The following RTKN variants were observed in gnomAD, a reference collection of about 807,000 sequenced individuals.
RTKN encodes rhotekin.
A neutral mutation model predicts 63.5 loss-of-function variants in RTKN; 49 were observed. The observed-to-expected ratio is 0.77, with a 90% CI of 0.61 to 0.98. RTKN has a LOEUF of 0.98. Among genes scored for constraint, RTKN ranks in the 50% least tolerant of loss-of-function variants. The pLI, the probability that RTKN is intolerant of heterozygous loss-of-function variation, is 0.00. For synonymous variants in RTKN, 295 were observed against 290.4 expected (o/e 1.02, Z -0.16); for missense variants, 685 against 740.8 (o/e 0.92, Z 0.87).
chr2:74,431,069 T>A (rs2268419), intron 2 of RTKN: 12,818 of 181,858 alleles, frequency 0.07, 1,382 homozygotes, highest in East Asian at 0.32. Flanking sequence ...GTCTTTATTT[T>A]TTTTTTTTTT....
chr2:74,432,337 C>G, intron 2 of RTKN, 130 bp downstream of exon 2: 1 of 921,900 alleles, frequency 1.1e-6, no homozygotes, highest in African/African-American at 1.6e-5. Flanking sequence ...AGGTCTCTCC[C>G]AGGTCCCTGA....
Position 74,437,077 on chromosome 2 carries a change from C to G in RTKN, c.112-4411G>C, listed in dbSNP as rs1455390941. On this transcript the variant is annotated intron_variant, in intron 1 of 11. Transcript: ENST00000272430. The stretch of plus-strand genomic sequence containing the variant: ...AAGTCTCTGACTTCCTGCTCTGCTT[C>G]TCACTACCCTTTTTTCCCTTCAGAA... 2.0e-5 allele frequency among the ~76,000 whole-genome samples: 3 copies of G among 152,186 alleles called. No homozygotes were observed. In the East Asian group the frequency reaches 5.8e-4, roughly 29 times the overall value.
At chr2:74,427,975 TA>T (rs1670505659) in intron 9 of RTKN, 3 of 509,094 alleles carry the variant, frequency 5.9e-6, no homozygotes, top group Non-Finnish European at 3.5e-6. Flanking sequence ...AAAGTAGATA[TA>T]AATTGGAATC....
In RTKN at chr2:74,436,274, T is replaced by C. The variant is rs1312228670; in HGVS notation, c.112-3608A>G. Among the ~76,000 whole-genome samples the C allele has an allele frequency of 6.6e-6, 1 of 152,252 alleles. No homozygotes were observed. Among genetic ancestry groups the C allele is most frequent in the East Asian group, 1.9e-4 (1 of 5,196 alleles). On this transcript the variant is annotated intron_variant, in intron 1 of 11. Transcript: ENST00000272430. The surrounding 1 kb of genome is among the most constrained non-coding windows in gnomAD (Gnocchi z 4.3). ...AGCTGCACTGGCCTGGGGAGCCGGC[T>C]GGGTCCGAGGGCCGCGGGAAATCGG...
rs950324157 is a variant in RTKN at position 74,440,016 on chromosome 2, G to T, written c.111+1690C>A. 17 of 1,057,452 alleles carry T rather than the reference G, an allele frequency of 1.6e-5. No individual in the cohort carries two copies. The African/African-American group carries it at 2.6e-4, about 16-fold the overall frequency. The allele number at this position is 1,057,452 out of a possible 1,614,324, so 65.5% of individuals were successfully genotyped here. Reference sequence around the variant, plus strand: ...AGGCCCTTTCATTCCGACTCTGGCCGCTCCCCAGCCCCCGCCCACATCCCT... The same window carrying T: ...AGGCCCTTTCATTCCGACTCTGGCCTCTCCCCAGCCCCCGCCCACATCCCT... On this transcript the variant is annotated intron_variant, in intron 1 of 11. Coordinates refer to ENST00000272430, the MANE Select transcript of RTKN (RefSeq NM_001015055.2).
Position 74,428,634 on chromosome 2 carries a change from C to A in RTKN, c.954G>T (p.Val318=). The change falls in exon 8 of 12, where the codon GTG becomes GTT. Residue 318 remains valine (V), a synonymous_variant. Transcript: ENST00000272430. ...TQPTASGTLR[V]QQAGEMQNWA... ...CCACTCCTCAGGGCCCCCTCACCTG[C>A]ACCCTGAGGGTACCACTTGCAGTGG... 1 of 1,612,442 alleles carries A rather than the reference C, an allele frequency of 6.2e-7. No homozygotes were observed. The highest frequency in any genetic ancestry group is 8.5e-7 in the Non-Finnish European group (1 of 1,178,824).
chr2:74,435,270 T>A (rs1670992888), intron 1 of RTKN, among the ~76,000 whole-genome samples: 2 of 152,158 alleles, frequency 1.3e-5, no homozygotes, highest in Admixed American at 6.5e-5. Flanking sequence ...AATGGGCAAT[T>A]TGCTCAACCT....
chr2:74,428,383 A>G lies in RTKN; in HGVS notation c.971T>C (p.Met324Thr). 6.2e-7 allele frequency: 1 copy of G among 1,614,130 alleles called. No individual in the cohort carries two copies. The highest frequency in any genetic ancestry group is 8.5e-7 in the Non-Finnish European group (1 of 1,180,012). Residue 324 changes from methionine (M) to threonine (T), a missense_variant, in exon 9 of 12, where the codon ATG becomes ACG. Met to Thr is a moderately conservative substitution (Grantham distance 81, BLOSUM62 -1). Coordinates refer to ENST00000272430, the MANE Select transcript of RTKN (RefSeq NM_001015055.2). ...GTLRVQQAGE[M>T]QNWAQVHGVL... ...TCCATGCACTTGTGCCCAGTTCTGCATCTCCCCAGCTTGCTGCACAAATGA... is the reference window on the plus strand; with the variant it reads ...TCCATGCACTTGTGCCCAGTTCTGCGTCTCCCCAGCTTGCTGCACAAATGA...
intron 2 of RTKN, chr2:74,432,129 G>T: frequency 2.3e-6 from 1 of 427,630 alleles, no homozygotes; most frequent in South Asian, 2.1e-5. Flanking sequence ...GTGAACCAGC[G>T]TTGAGGAAAT....
Position 74,432,966 on chromosome 2 carries a change from G to A in RTKN, c.112-300C>T, listed in dbSNP as rs576565663. Among the ~76,000 whole-genome samples the A allele has an allele frequency of 1.3e-3, 199 of 152,186 alleles. 2 individuals are homozygous for A. Among genetic ancestry groups the A allele is most frequent in the Admixed American group, 0.01 (156 of 15,276 alleles). ...ACCTCTAAAAAAATATATAACAGCCGGGCACGGTGGCTCACGCCTGTAATC... is the reference window on the plus strand; with the variant it reads ...ACCTCTAAAAAAATATATAACAGCCAGGCACGGTGGCTCACGCCTGTAATC... On this transcript the variant is annotated intron_variant, in intron 1 of 11. Coordinates refer to ENST00000272430, the MANE Select transcript of RTKN (RefSeq NM_001015055.2).
chr2:74,428,065 G>A (rs946186575), intron 9 of RTKN: 1 of 634,624 alleles, frequency 1.6e-6, no homozygotes, highest in Non-Finnish European at 2.7e-6. Context: ...GGCAGGGACT[G>A]AGGATGGCAA....
intron 1 of RTKN, among the ~76,000 whole-genome samples, chr2:74,441,364 C>T (rs1418448356): frequency 6.6e-6 from 1 of 152,130 alleles, no homozygotes; most frequent in Non-Finnish European, 1.5e-5. Context: ...CGCTTGGGGC[C>T]CGCCTAGCTG....
Position 74,426,586 on chromosome 2 carries a change from G to A in RTKN, c.1361-12C>T, listed in dbSNP as rs1670408307. 1 of 1,523,028 alleles carries A rather than the reference G, an allele frequency of 6.6e-7. No individual in the cohort carries two copies. 94.3% of individuals were successfully genotyped at this position (1,523,028 alleles called of 1,614,324 possible). A position where few individuals can be genotyped will look rare whatever the true frequency, so the allele number is the denominator to read the frequency against. On this transcript the variant is annotated splice_polypyrimidine_tract_variant and intron_variant, in intron 11 of 11. Coordinates refer to ENST00000272430, the MANE Select transcript of RTKN (RefSeq NM_001015055.2). ...CAGCGGCTCAATAGCTGTGGCACCA[G>A]GAAGGGGTTGGGGGAGGGTTGGGCT... is the stretch of plus-strand genomic sequence containing the variant.
chr2:74,429,546 G>A (rs567584875), intron 6 of RTKN, among the ~76,000 whole-genome samples: 2 of 152,174 alleles, frequency 1.3e-5, no homozygotes, highest in East Asian at 3.8e-4. Flanking sequence ...GCAACATAGT[G>A]AGACCCTGTC....
chr2:74,429,939 G>A lies in RTKN; in HGVS notation c.644C>T (p.Thr215Ile). 6.2e-7 allele frequency: 1 copy of A among 1,614,218 alleles called. No individual in the cohort carries two copies. The highest frequency in any genetic ancestry group is 8.5e-7 in the Non-Finnish European group (1 of 1,180,036). The part of the protein sequence containing the change: ...ALTGGPKRLA[T>I]KLSSSLGRSS... ...GCGGCCCAGGGAGCTGCTGAGTTTG[G>A]TGGCAAGCCTCTTGGGGCCGCCAGT... The change falls in exon 6 of 12, where the codon ACC becomes ATC. Residue 215 changes from threonine to isoleucine, a missense_variant. By Grantham distance (89) the Thr-to-Ile change is moderately conservative. Transcript: ENST00000272430.
Position 74,428,949 on chromosome 2 carries a change from G to C in RTKN, c.756-7C>G, listed in dbSNP as rs1332047043. 1 of 1,610,962 alleles carries C rather than the reference G, an allele frequency of 6.2e-7. No homozygotes were observed. Among genetic ancestry groups the C allele is most frequent in the African/African-American group, 1.3e-5 (1 of 74,976 alleles). On this transcript the variant is annotated splice_polypyrimidine_tract_variant and splice_region_variant and intron_variant, in intron 6 of 11. Coordinates refer to ENST00000272430, the MANE Select transcript of RTKN (RefSeq NM_001015055.2). Reference sequence around the variant, plus strand: ...GAGGTGGTAACGAGGACCACTGAGGGAGATAGGAGAGAGCATCAGCCAAGG... The same window carrying C: ...GAGGTGGTAACGAGGACCACTGAGGCAGATAGGAGAGAGCATCAGCCAAGG...
Position 74,428,327 on chromosome 2 carries a change from G to A in RTKN, c.1027C>T (p.Arg343Trp), listed in dbSNP as rs756003013. 1.6e-5 allele frequency: 26 copies of A among 1,614,098 alleles called. No homozygotes were observed. Among genetic ancestry groups the A allele is most frequent in the Admixed American group, 6.7e-5 (4 of 60,004 alleles). The stretch of plus-strand genomic sequence containing the variant: ...CCAGTGTCTGCATCCTCAGGTTGCC[G>A]GTAACAGAAGAGGTTTGTGCCTTTC... ...VLKGTNLFCYRQPEDADTGEE... is the reference protein window; with the variant it reads ...VLKGTNLFCYWQPEDADTGEE... Residue 343 changes from arginine to tryptophan, a missense_variant, in exon 9 of 12, where the codon CGG (arginine) becomes TGG (tryptophan). Arg to Trp is a moderately radical substitution (Grantham distance 101). Coordinates refer to ENST00000272430, the MANE Select transcript of RTKN (RefSeq NM_001015055.2).
rs374507241 is a variant in RTKN at position 74,434,707 on chromosome 2, G to A, written c.112-2041C>T. The stretch of plus-strand genomic sequence containing the variant: ...CGGGATTACAGGCTTGAGCCACTGC[G>A]CCCAGCCTAATGATACTTTATATAT... On this transcript the variant is annotated intron_variant, in intron 1 of 11. Transcript: ENST00000272430. Among the ~76,000 whole-genome samples the A allele has an allele frequency of 2.0e-4, 30 of 152,258 alleles. No homozygotes were observed. In the East Asian group the frequency reaches 4.0e-3, roughly 21 times the overall value.
intron 2 of RTKN, 114 bp from the exon 3 acceptor site, chr2:74,430,791 G>A (rs1392678496): frequency 2.9e-6 from 3 of 1,046,584 alleles, no homozygotes; most frequent in Non-Finnish European, 2.7e-6. Context: ...CAGGTTCCCA[G>A]CCAGGCCGAC....
Sources: gnomAD v4.1 joint callset for allele counts (sites outside exome capture counted in the v4.1 genomes callset) on GRCh38, gnomAD v4.1.1 for gene constraint, Gnocchi (gnomAD v3.1) non-coding constraint, MANE v1.5 for transcripts, NCBI Gene and HGNC (gene_info 2026-07-23, HGNC 2026-07-21) for gene names.